Variants in BEND4 observed in about 807,000 individuals in gnomAD.
BEND4 encodes the protein BEN domain containing 4.
BEND4 carries 27 observed loss-of-function variants against 54.7 expected under a neutral mutation model. The observed-to-expected ratio is 0.49, with a 90% CI of 0.36 to 0.68. The LOEUF (loss-of-function observed/expected upper bound fraction) is 0.68. Among genes scored for constraint, BEND4 ranks in the 30% least tolerant of loss-of-function variants. The probability of loss-of-function intolerance (pLI) is 0.00; values close to 1 mark genes in which losing one functional copy is unlikely to be tolerated. For missense variants in BEND4, 702 were observed against 697.2 expected, an observed-to-expected ratio of 1.01 and a Z score of -0.08; for synonymous variants, 327 against 299.5, an observed-to-expected ratio of 1.09 and a Z score of -0.95.
rs1226759778 is a variant in BEND4 at position 42,151,637 on chromosome 4, G to A, written c.487+20C>T. 5.5e-6 allele frequency: 8 copies of A among 1,449,572 alleles called. No homozygotes were observed. In the South Asian group the frequency reaches 7.1e-5, roughly 13 times the overall value. The allele number at this position is 1,449,572 out of a possible 1,614,324, so 89.8% of individuals were successfully genotyped here. A position where few individuals can be genotyped will look rare whatever the true frequency, so the allele number is the denominator to read the frequency against. The stretch of plus-strand genomic sequence containing the variant: ...GCCCCCGGCCGTGGCGGGAAGGAAA[G>A]TTGTGCGGAGAGTTGGTACCTGCGC... On this transcript the variant is annotated intron_variant, in intron 2 of 5. Coordinates refer to ENST00000502486, the MANE Select transcript of BEND4 (RefSeq NM_207406.4).
In BEND4 at chr4:42,114,266, G is replaced by A. The variant is rs949373479; in HGVS notation, c.*3252C>T. The A allele has an allele frequency of 6.6e-6, 1 of 152,226 alleles. No individual in the cohort carries two copies. The highest frequency in any genetic ancestry group is 2.4e-5 in the African/African-American group (1 of 41,506). The allele number at this position is 152,226 out of a possible 1,614,324, so 9.4% of individuals were successfully genotyped here. A position where few individuals can be genotyped will look rare whatever the true frequency, so the allele number is the denominator to read the frequency against. On this transcript the variant is annotated 3_prime_UTR_variant, in exon 6 of 6. Coordinates refer to ENST00000502486, the MANE Select transcript of BEND4 (RefSeq NM_207406.4). ...TGAGCCTGGCTGGAACTGAGCTTGG[G>A]GCTTCAACTCACTGCGAAAAGCCGG...
intron 2 of BEND4, among the ~76,000 whole-genome samples, chr4:42,149,129 A>G (rs1721174282): frequency 6.6e-6 from 1 of 152,186 alleles, no homozygotes; most frequent in African/African-American, 2.4e-5. Flanking sequence ...TCAGTTTACT[A>G]GGTAGCCTGA....
chr4:42,132,604 C>G (rs535892589), intron 3 of BEND4, among the ~76,000 whole-genome samples: 1 of 152,118 alleles, frequency 6.6e-6, no homozygotes, highest in South Asian at 2.1e-4. Context: ...GCCACCATGC[C>G]CCACTAATTT....
intron 4 of BEND4, among the ~76,000 whole-genome samples, chr4:42,123,900 G>A (rs1206039305): frequency 6.6e-6 from 1 of 152,136 alleles, no homozygotes; most frequent in Non-Finnish European, 1.5e-5. Flanking sequence ...CTGAAAACAG[G>A]AGGAACTGCA....
intron 3 of BEND4, among the ~76,000 whole-genome samples, chr4:42,127,123 T>C (rs1438416040): frequency 6.6e-6 from 1 of 152,198 alleles, no homozygotes; most frequent in Non-Finnish European, 1.5e-5. Flanking sequence ...GCAATGCTAA[T>C]ATAATAGCTT....
Position 42,112,952 on chromosome 4 carries a change from CTGAAG to C in BEND4, c.*4561_*4565del, listed in dbSNP as rs1253001420. On this transcript the variant is annotated 3_prime_UTR_variant, in exon 6 of 6. Coordinates refer to ENST00000502486, the MANE Select transcript of BEND4 (RefSeq NM_207406.4). ...GTGACGTTTTCCTACATTACTCCAA[CTGAAG>C]TGGTTATTTTTATCCAGCACTTACA... The C allele has an allele frequency of 6.6e-6, 1 of 152,222 alleles. No homozygotes were observed. Among genetic ancestry groups the C allele is most frequent in the Non-Finnish European group, 1.5e-5 (1 of 68,040 alleles). The allele number at this position is 152,222 out of a possible 1,614,324, so 9.4% of individuals were successfully genotyped here.
rs147500843 is a variant in BEND4 at position 42,139,716 on chromosome 4, T to G, written c.1054+3712A>C. On this transcript the variant is annotated intron_variant, in intron 3 of 5. Transcript: ENST00000502486. ...TTTCAACCTTATTTTCTGTGCTAAC[T>G]GCTGAGCGTTGCGTTCTCCTTTGTA... 4.7e-3 allele frequency among the ~76,000 whole-genome samples: 723 copies of G among 152,278 alleles called. 7 individuals carry two copies. Among genetic ancestry groups the G allele is most frequent in the African/African-American group, 0.016 (676 of 41,552 alleles).
intron 5 of BEND4, among the ~76,000 whole-genome samples, chr4:42,118,012 T>C (rs1170420794): frequency 2.0e-5 from 3 of 152,100 alleles, no homozygotes; most frequent in East Asian, 3.9e-4. Flanking sequence ...GTAAATTTGA[T>C]TTGTAAGGCA....
chr4:42,137,084 C>G (rs116714412), intron 3 of BEND4, among the ~76,000 whole-genome samples: 1 of 152,242 alleles, frequency 6.6e-6, no homozygotes, highest in African/African-American at 2.4e-5. Context: ...CAAACTAGAT[C>G]TGGAGTCAGA....
intron 3 of BEND4, among the ~76,000 whole-genome samples, chr4:42,130,593 A>G (rs534927325): frequency 1.3e-5 from 2 of 152,152 alleles, no homozygotes; most frequent in Admixed American, 6.5e-5. Flanking sequence ...GGAGAAACAG[A>G]AACGTTTTTA....
intron 4 of BEND4, among the ~76,000 whole-genome samples, chr4:42,124,581 G>C (rs1248541196): frequency 6.6e-6 from 1 of 152,142 alleles, no homozygotes; most frequent in Non-Finnish European, 1.5e-5. Flanking sequence ...AGTGGAAAAA[G>C]GGTCACTGGA....
At chr4:42,125,745 G>T (rs1720254301) in intron 3 of BEND4, 71 bp from the exon 4 acceptor site, 11 of 824,142 alleles carry the variant, frequency 1.3e-5, no homozygotes, top group South Asian at 2.2e-5. Context: ...ATTTTTTAAA[G>T]TTTTTTTTTT....
intron 3 of BEND4, among the ~76,000 whole-genome samples, chr4:42,139,006 TGAGTTCTCCTTAGTGTTGA>T (rs1720793187): frequency 6.6e-6 from 1 of 152,204 alleles, no homozygotes; most frequent in Admixed American, 6.5e-5. Flanking sequence ...CCCTCTTTTA[TGAGTTCTCCTTAGTGTTGA>T]CTAAGCTTCC....
chr4:42,117,714 G>A lies in BEND4; in HGVS notation c.1409C>T (p.Thr470Ile). The part of the protein sequence containing the change: ...CLREFIRMHC[T>I]SNPDWWMPSE... ...GGGCATCCACCAATCGGGGTTGGAG[G>A]TACAATGCATCCTAATGAATTCTGC... Residue 470 changes from threonine to isoleucine, a missense_variant, in exon 6 of 6, where the codon ACC becomes ATC. Coordinates refer to ENST00000502486, the MANE Select transcript of BEND4 (RefSeq NM_207406.4). The A allele has an allele frequency of 1.2e-6, 2 of 1,605,486 alleles. No homozygotes were observed. Among genetic ancestry groups the A allele is most frequent in the African/African-American group, 2.7e-5 (2 of 74,888 alleles).
intron 5 of BEND4, 100 bp from the exon 6 acceptor site, chr4:42,117,835 T>C: frequency 9.3e-6 from 7 of 755,064 alleles, no homozygotes; most frequent in Non-Finnish European, 1.5e-5. Context: ...ACAGAAGCTC[T>C]ATAAGAAAAG....
intron 3 of BEND4, among the ~76,000 whole-genome samples, chr4:42,130,076 A>G (rs1720449455): frequency 6.6e-6 from 1 of 152,234 alleles, no homozygotes. Flanking sequence ...AACCCCATTA[A>G]AAAGTGGGCA....
At chr4:42,150,107 C>G (rs997139144) in intron 2 of BEND4, among the ~76,000 whole-genome samples, 1 of 151,990 alleles carries the variant, frequency 6.6e-6, no homozygotes, top group African/African-American at 2.4e-5. Flanking sequence ...GATGATAAAG[C>G]TGAGCCTAGA....
intron 2 of BEND4, among the ~76,000 whole-genome samples, chr4:42,145,980 G>GC (rs777050381): frequency 1.3e-5 from 2 of 152,332 alleles, no homozygotes; most frequent in East Asian, 3.9e-4. Context: ...GGTAGGGGTA[G>GC]CAAGTCCACC....
In BEND4 at chr4:42,123,929, G is replaced by A. The variant is rs200863225; in HGVS notation, c.1146+1654C>T. Among the ~76,000 whole-genome samples the A allele has an allele frequency of 1.1e-4, 17 of 152,334 alleles. No individual in the cohort carries two copies. The East Asian group carries it at 3.3e-3, about 29-fold the overall frequency. On this transcript the variant is annotated intron_variant, in intron 4 of 5. Coordinates refer to ENST00000502486, the MANE Select transcript of BEND4 (RefSeq NM_207406.4). ...AACTGCAGATGGGTATTCAGAATAG[G>A]TGTGGTGAGATCAAGCGATGTATGG...
Sources: gnomAD v4.1 joint callset for allele counts (sites outside exome capture counted in the v4.1 genomes callset) on GRCh38, gnomAD v4.1.1 for gene constraint, MANE v1.5 for transcripts, NCBI Gene and HGNC (gene_info 2026-07-23, HGNC 2026-07-21) for gene names.